The following SDC4 variants were observed in gnomAD, a reference collection of about 807,000 sequenced individuals.
SDC4 encodes syndecan-4.
Under a neutral mutation model 20.5 loss-of-function variants are expected in SDC4, and 17 were observed. The ratio of observed to expected loss-of-function variants is 0.83; its 90% CI spans 0.57 to 1.25. SDC4 has a LOEUF of 1.25. SDC4 is among the 50% of genes most tolerant of loss of function. SDC4 has a pLI of 0.00. For synonymous variants in SDC4, 107 were observed against 105.3 expected, an observed-to-expected ratio of 1.02 and a Z score of -0.10; for missense variants, 241 against 252.3, an observed-to-expected ratio of 0.96 and a Z score of 0.30.
At chr20:45,339,246 A>T (rs966487534) in intron 1 of SDC4, among the ~76,000 whole-genome samples, 38 of 152,282 alleles carry the variant, frequency 2.5e-4, no homozygotes, top group African/African-American at 8.9e-4. Flanking sequence ...GGTGACTTTG[A>T]AGAACCAGGC....
At chr20:45,337,277 T>A (rs1312809094) in intron 1 of SDC4, among the ~76,000 whole-genome samples, 1 of 152,144 alleles carries the variant, frequency 6.6e-6, no homozygotes, top group Admixed American at 6.5e-5. Flanking sequence ...ATTCAAACAC[T>A]AAAGTGCCTA....
At chr20:45,333,546 G>A (rs879206746) in intron 2 of SDC4, among the ~76,000 whole-genome samples, 2 of 152,220 alleles carry the variant, frequency 1.3e-5, no homozygotes, top group Non-Finnish European at 2.9e-5. Flanking sequence ...GCACGCGCCT[G>A]TAATCCCAGC....
chr20:45,332,259 G>T (rs758964109), intron 3 of SDC4, among the ~76,000 whole-genome samples: 7 of 150,956 alleles, frequency 4.6e-5, no homozygotes, highest in Admixed American at 2.0e-4. Context: ...AGGTTCAAGC[G>T]ATCCTCCTAC....
Position 45,327,387 on chromosome 20 carries a change from G to A in SDC4, c.474C>T (p.Ile158=). The A allele has an allele frequency of 1.2e-6, 2 of 1,613,922 alleles. No individual in the cohort carries two copies. The highest frequency in any genetic ancestry group is 1.7e-6 in the Non-Finnish European group (2 of 1,179,854). ...AALIVGGIVG[I]LFAVFLILLL... ...GTAGGATCAGGAAGACGGCAAAGAG[G>A]ATGCCCACGATGCCACCCACAATCA... The change falls in exon 5 of 5, where the codon ATC becomes ATT. Residue 158 remains isoleucine, a synonymous_variant. Coordinates refer to ENST00000372733, the MANE Select transcript of SDC4 (RefSeq NM_002999.4).
In SDC4 at chr20:45,335,883, AG is replaced by A; in HGVS notation, c.97del (p.Leu33Ter). On this transcript the variant is annotated frameshift_variant, in exon 2 of 5. Coordinates refer to ENST00000372733, the MANE Select transcript of SDC4 (RefSeq NM_002999.4). LOFTEE classifies it high-confidence loss of function. ...GGCTCCGGAGAAGTATCGGCCTTCT[AG>A]GAGGTCCTGGGGGTCGATGACCTCA... The part of the protein sequence containing the change: ...ETEVIDPQDL[L>X]EGRYFSGALP... 4.3e-6 allele frequency: 7 copies of A among 1,613,662 alleles called. No homozygotes were observed. Among genetic ancestry groups the A allele is most frequent in the Non-Finnish European group, 5.9e-6 (7 of 1,179,878 alleles).
chr20:45,337,835 C>G (rs963789288), intron 1 of SDC4, among the ~76,000 whole-genome samples: 2 of 152,224 alleles, frequency 1.3e-5, no homozygotes, highest in Non-Finnish European at 2.9e-5. Context: ...GAATCACTCT[C>G]TCCCGGGGAG....
rs1166570393 is a variant in SDC4, at chr20:45,342,852, G to A, written c.60+5473C>T. On this transcript the variant is annotated intron_variant, in intron 1 of 4. Transcript: ENST00000372733. ...CTCTTAGTTTACATTTTCAACATATGCACAGACACCACCTCCCCAAAGCCA... is the reference window on the plus strand; with the variant it reads ...CTCTTAGTTTACATTTTCAACATATACACAGACACCACCTCCCCAAAGCCA... 4.6e-5 allele frequency among the ~76,000 whole-genome samples: 7 copies of A among 152,158 alleles called. No homozygotes were observed. In the East Asian group the frequency reaches 1.3e-3, roughly 29 times the overall value.
At chr20:45,337,840 G>A (rs553245251) in intron 1 of SDC4, among the ~76,000 whole-genome samples, 100 of 152,348 alleles carry the variant, frequency 6.6e-4, no homozygotes, top group African/African-American at 2.3e-3. Context: ...ACTCTCTCCC[G>A]GGGAGTGGGG....
rs1006103922 is a variant in SDC4, at chr20:45,327,102, C to G, written c.*162G>C. 3 of 669,944 alleles carry G rather than the reference C, an allele frequency of 4.5e-6. No individual in the cohort carries two copies. Among genetic ancestry groups the G allele is most frequent in the African/African-American group, 1.8e-5 (1 of 55,540 alleles). 41.5% of individuals were successfully genotyped at this position (669,944 alleles called of 1,614,324 possible). On this transcript the variant is annotated 3_prime_UTR_variant, in exon 5 of 5. Transcript: ENST00000372733. ...AAAGCTCAAGAAGAACCTGGCAGAA[C>G]AGTAGAAGACAATGTCTCTTCTGAA... is the stretch of plus-strand genomic sequence containing the variant.
At position 45,343,144 on chromosome 20, in the gene SDC4, G is replaced by A. The variant is rs150867830; in HGVS notation, c.60+5181C>T. On this transcript the variant is annotated intron_variant, in intron 1 of 4. Coordinates refer to ENST00000372733, the MANE Select transcript of SDC4 (RefSeq NM_002999.4). ...AGAGGCCCCAGTGAGATGCAAGAAT[G>A]TGCCCAAGGTCACCACTGTGTTAGT... Among the ~76,000 whole-genome samples the A allele has an allele frequency of 8.5e-5, 13 of 152,258 alleles. No homozygotes were observed. The East Asian group carries it at 2.5e-3, about 29-fold the overall frequency.
chr20:45,335,413 A>G (rs1395329932), intron 2 of SDC4, among the ~76,000 whole-genome samples: 1 of 151,954 alleles, frequency 6.6e-6, no homozygotes, highest in East Asian at 1.9e-4. Flanking sequence ...CCTTTCAAAA[A>G]AAGGAAAACA....
intron 1 of SDC4, among the ~76,000 whole-genome samples, chr20:45,339,954 C>G (rs1337511982): frequency 6.6e-6 from 1 of 152,140 alleles, no homozygotes. Context: ...AGCAAACAGA[C>G]AAGACAAGGG....
At chr20:45,335,185 T>A (rs1406065015) in intron 2 of SDC4, among the ~76,000 whole-genome samples, 1 of 142,032 alleles carries the variant, frequency 7.0e-6, no homozygotes, top group Non-Finnish European at 1.5e-5. Flanking sequence ...CTACTTTTCC[T>A]TTTTTGTTTT....
At chr20:45,338,916 C>T (rs1217145503) in intron 1 of SDC4, among the ~76,000 whole-genome samples, 1 of 152,284 alleles carries the variant, frequency 6.6e-6, no homozygotes, top group African/African-American at 2.4e-5. Flanking sequence ...CCCAGGATTT[C>T]CCTCCTACAG....
Position 45,334,796 on chromosome 20 carries a change from A to T in SDC4, c.199+986T>A, listed in dbSNP as rs181350543. Among the ~76,000 whole-genome samples, 985 of 150,400 alleles carry T rather than the reference A, an allele frequency of 6.5e-3. 8 individuals carry two copies. The highest frequency in any genetic ancestry group is 0.023 in the African/African-American group (939 of 41,082). On this transcript the variant is annotated intron_variant, in intron 2 of 4. Transcript: ENST00000372733. ...GCCACCGTGCCCGGCCATAAAATTT[A>T]TTTTTTTTTTAAACCAAACACACAC... is the stretch of plus-strand genomic sequence containing the variant.
chr20:45,338,168 T>C (rs1987901719), intron 1 of SDC4, among the ~76,000 whole-genome samples: 1 of 152,154 alleles, frequency 6.6e-6, no homozygotes, highest in Non-Finnish European at 1.5e-5. Context: ...TAGTCCCTTT[T>C]TGCAGAGATG....
intron 1 of SDC4, 50 bp from the exon 2 acceptor site, chr20:45,335,970 A>G: frequency 6.3e-7 from 1 of 1,587,468 alleles, no homozygotes. Flanking sequence ...GTGCTCCATG[A>G]CAGCTGATGC....
chr20:45,335,090 A>G (rs1353599540), intron 2 of SDC4, among the ~76,000 whole-genome samples: 1 of 42,238 alleles, frequency 2.4e-5, no homozygotes, highest in Non-Finnish European at 4.9e-5. Flanking sequence ...CCCCACCCCC[A>G]CTGAAGCAGG....
At chr20:45,330,853 C>T (rs1157746922) in intron 3 of SDC4, among the ~76,000 whole-genome samples, 1 of 152,240 alleles carries the variant, frequency 6.6e-6, no homozygotes, top group Non-Finnish European at 1.5e-5. Context: ...AGCAACCACT[C>T]TGGAAGCAAT....
Sources: allele counts gnomAD v4.1 joint callset (sites outside exome capture counted in the v4.1 genomes callset), GRCh38; gene constraint gnomAD v4.1.1; transcripts MANE v1.5; gene names NCBI Gene and HGNC (gene_info 2026-07-23, HGNC 2026-07-21).